SGCZ: variants seen among roughly 807,000 people sequenced by gnomAD.
SGCZ encodes the protein zeta-sarcoglycan.
A neutral mutation model predicts 41.3 loss-of-function variants in SGCZ; 40 were observed. The ratio of observed to expected loss-of-function variants is 0.97; its 90% CI spans 0.75 to 1.26. The LOEUF is 1.26. Among genes scored for constraint, SGCZ ranks in the 50% most tolerant of loss-of-function variants. SGCZ has a pLI of 0.00. For synonymous variants in SGCZ, 206 were observed against 137.5 expected (o/e 1.50, Z -3.49); for missense variants, 552 against 369.8 (o/e 1.49, Z -4.04).
At chr8:14,813,973 G>A (rs1801817038) in intron 1 of SGCZ, among the ~76,000 whole-genome samples, 1 of 152,052 alleles carries the variant, frequency 6.6e-6, no homozygotes, top group South Asian at 2.1e-4. Flanking sequence ...AAGCAAATAA[G>A]TAAATAAAAA....
chr8:14,101,133 A>T (rs1332419716), intron 7 of SGCZ, among the ~76,000 whole-genome samples: 1 of 152,184 alleles, frequency 6.6e-6, no homozygotes, highest in Non-Finnish European at 1.5e-5. Context: ...TGAAAAAAAA[A>T]GATGAGACTG....
chr8:14,389,129 T>C (rs1402855097), intron 2 of SGCZ, among the ~76,000 whole-genome samples: 1 of 151,988 alleles, frequency 6.6e-6, no homozygotes, highest in East Asian at 1.9e-4. Flanking sequence ...TGTGGCAGAT[T>C]AAATACTGTT....
chr8:14,417,432 T>C (rs1799523168), intron 2 of SGCZ, among the ~76,000 whole-genome samples: 1 of 151,898 alleles, frequency 6.6e-6, no homozygotes, highest in Non-Finnish European at 1.5e-5. Context: ...ATTTTTTCAC[T>C]CTTTCCTCCA....
In SGCZ at chr8:14,087,462, C is replaced by G. The variant is rs1801554172; in HGVS notation, c.*2981G>C. 6.6e-6 allele frequency among the ~76,000 whole-genome samples: 1 copy of G among 151,654 alleles called. No individual in the cohort carries two copies. The highest frequency in any genetic ancestry group is 1.9e-4 in the East Asian group (1 of 5,140). On this transcript the variant is annotated 3_prime_UTR_variant, in exon 8 of 8. Coordinates refer to ENST00000382080, the MANE Select transcript of SGCZ (RefSeq NM_139167.4). Reference sequence around the variant, plus strand: ...ACTTAAATGCTAGCAAAACTACCAACCTCTTTTTCTTCTTCCGTTTGTTCC... The same window carrying G: ...ACTTAAATGCTAGCAAAACTACCAAGCTCTTTTTCTTCTTCCGTTTGTTCC...
intron 1 of SGCZ, among the ~76,000 whole-genome samples, chr8:15,184,109 G>T (rs931144826): frequency 6.6e-4 from 101 of 152,148 alleles, no homozygotes; most frequent in Middle Eastern, 3.4e-3. Context: ...CACATTTTCT[G>T]TAACTTCTGC....
intron 1 of SGCZ, among the ~76,000 whole-genome samples, chr8:14,656,682 T>C (rs960713499): frequency 1.3e-5 from 2 of 151,206 alleles, no homozygotes; most frequent in Non-Finnish European, 2.9e-5. Flanking sequence ...CTTTTCTCCC[T>C]TTCTCTCTTT....
chr8:14,785,562 A>G (rs901455919), intron 1 of SGCZ, among the ~76,000 whole-genome samples: 4 of 152,188 alleles, frequency 2.6e-5, no homozygotes, highest in Non-Finnish European at 4.4e-5. Context: ...TGTCGCAGGT[A>G]ATACTAAGGT....
At chr8:14,413,007 C>A (rs1799402041) in intron 2 of SGCZ, among the ~76,000 whole-genome samples, 1 of 151,806 alleles carries the variant, frequency 6.6e-6, no homozygotes, top group African/African-American at 2.4e-5. Context: ...TTATAAAGGA[C>A]AACAGTTAGA....
chr8:15,089,259 T>C (rs1260474336), intron 1 of SGCZ, among the ~76,000 whole-genome samples: 1 of 152,164 alleles, frequency 6.6e-6, no homozygotes, highest in Non-Finnish European at 1.5e-5. Flanking sequence ...TCTCAGTCTC[T>C]TTTGTCTCCA....
At chr8:14,356,040 T>C (rs898815243) in intron 2 of SGCZ, among the ~76,000 whole-genome samples, 13 of 152,182 alleles carry the variant, frequency 8.5e-5, no homozygotes, top group African/African-American at 3.1e-4. Flanking sequence ...CAGTTTCATA[T>C]TCTCTCATAA....
intron 1 of SGCZ, among the ~76,000 whole-genome samples, chr8:14,830,539 A>G (rs1393472314): frequency 1.3e-5 from 2 of 152,122 alleles, no homozygotes; most frequent in Non-Finnish European, 2.9e-5. Context: ...TTGTAACTTT[A>G]TATGTTTTTA....
chr8:14,108,315 T>C (rs1563131176), intron 5 of SGCZ, 80 bp from the exon 6 acceptor site: 2 of 1,301,710 alleles, frequency 1.5e-6, no homozygotes, highest in East Asian at 2.3e-5. Context: ...GCATCAAATA[T>C]TCTTCCAAAA....
At chr8:14,272,668 T>A (rs1800101916) in intron 3 of SGCZ, among the ~76,000 whole-genome samples, 1 of 152,172 alleles carries the variant, frequency 6.6e-6, no homozygotes, top group South Asian at 2.1e-4. Flanking sequence ...ATTATGTTCA[T>A]CATAATTTTA....
chr8:14,540,727 T>C (rs1803439703), intron 2 of SGCZ, among the ~76,000 whole-genome samples: 1 of 151,942 alleles, frequency 6.6e-6, no homozygotes, highest in Non-Finnish European at 1.5e-5. Context: ...ATAGTAGTCA[T>C]TTGTAAGGCG....
At chr8:14,475,527 T>C (rs963727441) in intron 2 of SGCZ, among the ~76,000 whole-genome samples, 59 of 152,174 alleles carry the variant, frequency 3.9e-4, no homozygotes, top group Non-Finnish European at 7.6e-4. Context: ...TGTACTAAGA[T>C]TAAATTTTCA....
Position 14,662,595 on chromosome 8 carries a change from C to T in SGCZ, c.40-107669G>A, listed in dbSNP as rs1203836789. 3.3e-5 allele frequency among the ~76,000 whole-genome samples: 5 copies of T among 152,074 alleles called. No homozygotes were observed. The East Asian group carries it at 9.6e-4, about 29-fold the overall frequency. On this transcript the variant is annotated intron_variant, in intron 1 of 7. Coordinates refer to ENST00000382080, the MANE Select transcript of SGCZ (RefSeq NM_139167.4). ...CTAGGTTGTTTAACCTGACTGGGTC[C>T]CTGTGTTAGGCTAAATAATGGTCCT...
intron 6 of SGCZ, among the ~76,000 whole-genome samples, chr8:14,106,668 A>C (rs1383406917): frequency 6.6e-6 from 1 of 152,212 alleles, no homozygotes; most frequent in Non-Finnish European, 1.5e-5. Flanking sequence ...GTGAAGGGCT[A>C]AACAGCAATC....
intron 2 of SGCZ, among the ~76,000 whole-genome samples, chr8:14,507,494 T>C (rs1017209598): frequency 9.2e-5 from 14 of 152,228 alleles, no homozygotes; most frequent in African/African-American, 3.4e-4. Context: ...TAAGCCAAAA[T>C]GAAAGCCAGT....
intron 1 of SGCZ, among the ~76,000 whole-genome samples, chr8:15,228,704 T>C (rs1585696609): frequency 6.6e-6 from 1 of 152,286 alleles, no homozygotes; most frequent in African/African-American, 2.4e-5. Context: ...TAAGACAGAA[T>C]GCCTTAGAAC....
Sources: gnomAD v4.1 joint callset for allele counts (sites outside exome capture counted in the v4.1 genomes callset) on GRCh38, gnomAD v4.1.1 for gene constraint, MANE v1.5 for transcripts, NCBI Gene and HGNC (gene_info 2026-07-23, HGNC 2026-07-21) for gene names.